The following LRP12 variants were observed in gnomAD, a reference collection of about 807,000 sequenced individuals.
The protein encoded by LRP12 is low-density lipoprotein receptor-related protein 12.
Under a neutral mutation model 66.0 loss-of-function variants are expected in LRP12, and 14 were observed. The observed-to-expected ratio is 0.21, with a 90% confidence interval of 0.14 to 0.33. LRP12 has a LOEUF of 0.33. Among genes scored for constraint, LRP12 ranks in the 10% least tolerant of loss-of-function variants. The probability of loss-of-function intolerance (pLI) is 1.00; values close to 1 mark genes in which losing one functional copy is unlikely to be tolerated. For synonymous variants in LRP12, 357 were observed against 359.1 expected (o/e 0.99, Z 0.07); for missense variants, 889 against 1,053.4 (o/e 0.84, Z 2.16).
chr8:104,559,848 C>T (rs531235449), intron 1 of LRP12, among the ~76,000 whole-genome samples: 1 of 151,938 alleles, frequency 6.6e-6, no homozygotes, highest in Non-Finnish European at 1.5e-5. Context: ...AGGTATATTT[C>T]CCCAAATGAA....
At chr8:104,532,511 A>G (rs1811339546) in intron 1 of LRP12, among the ~76,000 whole-genome samples, 1 of 152,126 alleles carries the variant, frequency 6.6e-6, no homozygotes, top group Non-Finnish European at 1.5e-5. Flanking sequence ...ATGTCTCTTC[A>G]GATATTTGTC....
At chr8:104,517,508 A>G (rs1044425024) in intron 2 of LRP12, among the ~76,000 whole-genome samples, 7 of 152,016 alleles carry the variant, frequency 4.6e-5, no homozygotes, top group African/African-American at 1.4e-4. Flanking sequence ...TATTTTGTAA[A>G]GGTTATTGAG....
chr8:104,552,060 G>A (rs1016097700), intron 1 of LRP12, among the ~76,000 whole-genome samples: 1 of 152,210 alleles, frequency 6.6e-6, no homozygotes, highest in Non-Finnish European at 1.5e-5. Context: ...ATTCTTCCAC[G>A]AGTGAACGAA....
chr8:104,588,687 C>A (rs1588515574), intron 1 of LRP12, 132 bp downstream of exon 1: 1 of 650,966 alleles, frequency 1.5e-6, no homozygotes, highest in Non-Finnish European at 2.6e-6. Flanking sequence ...TCCACCCCCT[C>A]ACCGGTCTTT....
intron 1 of LRP12, among the ~76,000 whole-genome samples, chr8:104,570,971 A>G (rs958387574): frequency 1.3e-5 from 2 of 152,246 alleles, no homozygotes; most frequent in Admixed American, 1.3e-4. Context: ...GAAGATGTTC[A>G]ATATCATTAG....
At chr8:104,546,913 TA>T (rs1811569434) in intron 1 of LRP12, among the ~76,000 whole-genome samples, 2 of 138,108 alleles carry the variant, frequency 1.4e-5, no homozygotes, top group African/African-American at 3.0e-5. Flanking sequence ...ATATATTATA[TA>T]ATTATATATA....
intron 2 of LRP12, among the ~76,000 whole-genome samples, chr8:104,525,876 AAG>A (rs1811229188): frequency 6.6e-6 from 1 of 152,162 alleles, no homozygotes; most frequent in Admixed American, 6.5e-5. Context: ...CAATTAGGAA[AAG>A]AGGAAGTCAA....
At chr8:104,559,257 T>C (rs961522526) in intron 1 of LRP12, among the ~76,000 whole-genome samples, 18 of 152,160 alleles carry the variant, frequency 1.2e-4, no homozygotes, top group Admixed American at 2.6e-4. Context: ...ACATATACCA[T>C]GGAATACTAC....
At chr8:104,577,613 A>T (rs1252989355) in intron 1 of LRP12, among the ~76,000 whole-genome samples, 2 of 152,102 alleles carry the variant, frequency 1.3e-5, no homozygotes, top group African/African-American at 4.8e-5. Flanking sequence ...GATTGAGACC[A>T]TCCTAGCTAA....
intron 1 of LRP12, among the ~76,000 whole-genome samples, chr8:104,547,946 T>C (rs529162450): frequency 7.8e-6 from 1 of 128,736 alleles, no homozygotes; most frequent in South Asian, 2.3e-4. Context: ...AATGTTATAT[T>C]TTGTATATAC....
chr8:104,518,936 A>C (rs1588489875), intron 2 of LRP12, among the ~76,000 whole-genome samples: 1 of 152,204 alleles, frequency 6.6e-6, no homozygotes, highest in East Asian at 1.9e-4. Context: ...ATGCATGTTC[A>C]GCATAGAGTC....
chr8:104,522,115 CATGTTATA>C (rs1249114118), intron 2 of LRP12, among the ~76,000 whole-genome samples: 2 of 151,736 alleles, frequency 1.3e-5, no homozygotes, highest in African/African-American at 4.8e-5. Context: ...TTCAAAATAC[CATGTTATA>C]ATATTTAAGC....
At chr8:104,539,612 TATC>T (rs908874260) in intron 1 of LRP12, among the ~76,000 whole-genome samples, 73 of 152,168 alleles carry the variant, frequency 4.8e-4, no homozygotes, top group African/African-American at 1.1e-3. Context: ...TCAGGGTTAA[TATC>T]ATAAGCATTG....
chr8:104,502,079 A>C (rs1458148724), intron 3 of LRP12, among the ~76,000 whole-genome samples: 2 of 152,210 alleles, frequency 1.3e-5, no homozygotes, highest in Non-Finnish European at 2.9e-5. Flanking sequence ...TCACACAGTT[A>C]AATTAGTCTG....
chr8:104,548,174 A>ATATATTATATTAATATTAATATACATAT (rs1564141824), intron 1 of LRP12, among the ~76,000 whole-genome samples: 123 of 99,114 alleles, frequency 1.2e-3, no homozygotes, highest in African/African-American at 5.4e-3. Context: ...TATATATAAT[A>ATATATTATATTAATATTAATATACATAT]TAATATATAA....
At chr8:104,534,957 T>A (rs1363939575) in intron 1 of LRP12, among the ~76,000 whole-genome samples, 3 of 151,228 alleles carry the variant, frequency 2.0e-5, no homozygotes, top group Admixed American at 1.3e-4. Flanking sequence ...AATCTTACTA[T>A]GACTAGTGTT....
chr8:104,562,596 A>G (rs780575838), intron 1 of LRP12, among the ~76,000 whole-genome samples: 5 of 152,172 alleles, frequency 3.3e-5, no homozygotes, highest in Non-Finnish European at 7.4e-5. Context: ...TATTTGATAA[A>G]ACAGTTTCAT....
Position 104,561,840 on chromosome 8 carries a change from T to A in LRP12, c.79+26979A>T, listed in dbSNP as rs142107089. Reference sequence around the variant, plus strand: ...CTAGTCTTTGGTAGCTTCCTTGCTTTCTGATACAAGAGAACATCCCTGGTT... The same window carrying A: ...CTAGTCTTTGGTAGCTTCCTTGCTTACTGATACAAGAGAACATCCCTGGTT... On this transcript the variant is annotated intron_variant, in intron 1 of 6. Transcript: ENST00000276654. 3.6e-3 allele frequency among the ~76,000 whole-genome samples: 553 copies of A among 152,314 alleles called. 7 individuals are homozygous for A. The highest frequency in any genetic ancestry group is 0.013 in the African/African-American group (529 of 41,578).
intron 1 of LRP12, among the ~76,000 whole-genome samples, chr8:104,581,075 C>T (rs547604103): frequency 1.1e-3 from 165 of 152,300 alleles, no homozygotes; most frequent in African/African-American, 3.6e-3. Flanking sequence ...AAACGTGGTA[C>T]ACATATACCA....
Sources: allele counts gnomAD v4.1 joint callset (sites outside exome capture counted in the v4.1 genomes callset), GRCh38; gene constraint gnomAD v4.1.1; transcripts MANE v1.5; gene names NCBI Gene and HGNC (gene_info 2026-07-23, HGNC 2026-07-21).